Variants in TBC1D32 observed in about 807,000 individuals in gnomAD.
TBC1D32 encodes TBC1 domain family member 32, also known as protein broad-minded.
Under a neutral mutation model 170.3 loss-of-function variants are expected in TBC1D32, and 151 were observed. The ratio of observed to expected loss-of-function variants is 0.89; its 90% confidence interval spans 0.78 to 1.01. The LOEUF is 1.01. Ranked by LOEUF, TBC1D32 falls within the 50% of genes least tolerant of loss-of-function variation. TBC1D32 has a pLI of 0.00. For synonymous variants in TBC1D32, 498 were observed against 488.0 expected, an observed-to-expected ratio of 1.02 and a Z score of -0.27; for missense variants, 1,464 against 1,457.1, an observed-to-expected ratio of 1.00 and a Z score of -0.08.
At chr6:121,177,070 A>G (rs2128264303) in intron 22 of TBC1D32, among the ~76,000 whole-genome samples, 1 of 151,946 alleles carries the variant, frequency 6.6e-6, no homozygotes, top group East Asian at 1.9e-4. Flanking sequence ...TACATTTTTT[A>G]GTGTTAAATA....
intron 17 of TBC1D32, among the ~76,000 whole-genome samples, chr6:121,246,564 G>A (rs79890043): frequency 3.3e-5 from 5 of 151,688 alleles, no homozygotes; most frequent in Admixed American, 6.6e-5. Context: ...TAAATAATTC[G>A]GGAGGTTGAC....
intron 25 of TBC1D32, among the ~76,000 whole-genome samples, chr6:121,127,925 C>T (rs1332140618): frequency 6.6e-6 from 1 of 152,130 alleles, no homozygotes; most frequent in African/African-American, 2.4e-5. Context: ...AAGCATATTG[C>T]TAAGCAATTC....
At chr6:121,324,329 A>G (rs1451719470) in intron 1 of TBC1D32, among the ~76,000 whole-genome samples, 1 of 152,220 alleles carries the variant, frequency 6.6e-6, no homozygotes, top group Non-Finnish European at 1.5e-5. Flanking sequence ...TATTAAATTT[A>G]AAAGTATAAT....
intron 20 of TBC1D32, among the ~76,000 whole-genome samples, chr6:121,227,662 C>T (rs2128336342): frequency 6.6e-6 from 1 of 152,152 alleles, no homozygotes; most frequent in African/African-American, 2.4e-5. Context: ...ATAAATCCCA[C>T]TTGATCATAA....
intron 30 of TBC1D32, among the ~76,000 whole-genome samples, chr6:121,092,655 C>G (rs1477977388): frequency 6.6e-6 from 1 of 151,986 alleles, no homozygotes; most frequent in Non-Finnish European, 1.5e-5. Context: ...CTTCTGAAGC[C>G]TCTCTGAGGC....
Position 121,281,623 on chromosome 6 carries a change from C to T in TBC1D32, c.1529G>A (p.Cys510Tyr), listed in dbSNP as rs751049160. ...VLWILSDQKE[C>Y]AVECLYNNIV... ...GTTGTTATATAAGCATTCCACTGCA[C>T]ATTCTTTTTGATCACTGAGTATCCA... The change falls in exon 14 of 32, where the codon TGT becomes TAT. Residue 510 changes from cysteine (C) to tyrosine (Y), a missense_variant. Around this residue, in one of 3 missense-constraint regions of TBC1D32, gnomAD observed 1,363 missense variants for 1,338.1 expected, o/e 1.02. Transcript: ENST00000398212. 5.0e-6 allele frequency: 8 copies of T among 1,607,348 alleles called. No homozygotes were observed. The highest frequency in any genetic ancestry group is 1.7e-4 in the Middle Eastern group (1 of 6,030).
intron 31 of TBC1D32, among the ~76,000 whole-genome samples, chr6:121,086,874 C>T (rs766869172): frequency 2.2e-4 from 34 of 152,104 alleles, no homozygotes; most frequent in Non-Finnish European, 4.0e-4. Flanking sequence ...TGTGTATGCG[C>T]GCTACAGATG....
chr6:121,255,224 C>T (rs1391045180), intron 17 of TBC1D32, 104 bp downstream of exon 17: 8 of 583,674 alleles, frequency 1.4e-5, no homozygotes, highest in Non-Finnish European at 1.9e-5. Flanking sequence ...ATACATTTAC[C>T]ATCCTGTAAA....
At chr6:121,263,234 G>A (rs578112578) in intron 15 of TBC1D32, among the ~76,000 whole-genome samples, 4,665 of 149,986 alleles carry the variant, frequency 0.031, 172 homozygotes, top group East Asian at 0.11. Flanking sequence ...ACAAAAAAAA[G>A]ATAGAGGTAA....
chr6:121,206,242 T>G (rs111937818), intron 21 of TBC1D32, among the ~76,000 whole-genome samples: 2,172 of 152,006 alleles, frequency 0.014, 14 homozygotes, highest in Middle Eastern at 0.034. Context: ...AGGAAGGCTT[T>G]CTTTCTACAA....
At chr6:121,169,541 G>C (rs1319664682) in intron 22 of TBC1D32, among the ~76,000 whole-genome samples, 1 of 152,132 alleles carries the variant, frequency 6.6e-6, no homozygotes, top group Non-Finnish European at 1.5e-5. Flanking sequence ...AAATTTTACT[G>C]CATTTAAAGA....
chr6:121,192,924 G>C (rs937743414), intron 22 of TBC1D32, among the ~76,000 whole-genome samples: 5 of 152,088 alleles, frequency 3.3e-5, no homozygotes, highest in African/African-American at 1.2e-4. Flanking sequence ...AAATAATGTT[G>C]ATTCTCCTCA....
rs1809118510 is a variant in TBC1D32 at position 121,317,655 on chromosome 6, T to C, written c.335A>G (p.His112Arg). 1 of 1,606,638 alleles carries C rather than the reference T, an allele frequency of 6.2e-7. No individual in the cohort carries two copies. ...AGCTATCATAATGTTCTTCAGGTAA[T>C]GCATCATTTCTTTGTACCTTTAAAT... ...QESKEYKEMM[H>R]YLKNIMIAVV... The change falls in exon 3 of 32, where the codon CAT becomes CGT. Residue 112 changes from histidine to arginine, a missense_variant. His to Arg is a conservative substitution (Grantham distance 29). Coordinates refer to ENST00000398212, the MANE Select transcript of TBC1D32 (RefSeq NM_152730.6).
At chr6:121,195,989 CAT>C (rs1437947594) in intron 22 of TBC1D32, among the ~76,000 whole-genome samples, 2 of 152,134 alleles carry the variant, frequency 1.3e-5, no homozygotes, top group African/African-American at 2.4e-5. Flanking sequence ...TTGGAAGACA[CAT>C]GATTGGAAAA....
chr6:121,308,873 A>G (rs1807754962), intron 4 of TBC1D32, among the ~76,000 whole-genome samples: 1 of 152,070 alleles, frequency 6.6e-6, no homozygotes, highest in African/African-American at 2.4e-5. Context: ...TTCCACTCCA[A>G]TGAAGAATGG....
intron 12 of TBC1D32, among the ~76,000 whole-genome samples, chr6:121,286,653 G>A (rs374736574): frequency 1.3e-5 from 2 of 152,044 alleles, no homozygotes; most frequent in Admixed American, 1.3e-4. Context: ...TACAGAGAAC[G>A]CCACAAAGAT....
intron 15 of TBC1D32, among the ~76,000 whole-genome samples, chr6:121,269,731 G>C (rs1353438970): frequency 6.6e-6 from 1 of 152,132 alleles, no homozygotes; most frequent in Admixed American, 6.5e-5. Context: ...AGGATATCCA[G>C]GAATTGAACT....
chr6:121,120,433 GAA>G (rs1418240420), intron 26 of TBC1D32, among the ~76,000 whole-genome samples: 1 of 151,970 alleles, frequency 6.6e-6, no homozygotes, highest in East Asian at 1.9e-4. Flanking sequence ...AAAGCAATGT[GAA>G]AAAGAGAGCT....
chr6:121,289,260 C>T (rs562102141), intron 12 of TBC1D32, among the ~76,000 whole-genome samples: 2 of 152,262 alleles, frequency 1.3e-5, no homozygotes, highest in East Asian at 1.9e-4. Flanking sequence ...AAAACCCCAT[C>T]ATCTCAGCCC....
Sources: allele counts gnomAD v4.1 joint callset (sites outside exome capture counted in the v4.1 genomes callset), GRCh38; gene constraint gnomAD v4.1.1; regional missense constraint gnomAD v4.1.1; transcripts MANE v1.5; gene names NCBI Gene and HGNC (gene_info 2026-07-23, HGNC 2026-07-21).